Variants in SPECC1 observed in about 807,000 individuals in gnomAD.
The protein encoded by SPECC1 is sperm antigen with calponin homology and coiled-coil domains 1, also known as cytospin-B.
In SPECC1, 62 loss-of-function variants were observed where a neutral mutation model predicts 104.1. That is an observed-to-expected ratio of 0.60 (90% CI 0.49 to 0.74). SPECC1 has a LOEUF of 0.74. Ranked by LOEUF, SPECC1 falls within the 30% of genes least tolerant of loss-of-function variation. SPECC1 has a pLI of 0.00. For synonymous variants in SPECC1, 513 were observed against 501.6 expected (o/e 1.02, Z -0.30); for missense variants, 1,306 against 1,310.5 (o/e 1.00, Z 0.05).
At chr17:20,276,769 A>G (rs2040588926) in intron 12 of SPECC1, among the ~76,000 whole-genome samples, 1 of 152,250 alleles carries the variant, frequency 6.6e-6, no homozygotes, top group South Asian at 2.1e-4. Flanking sequence ...AGAATCATAA[A>G]TCAAACACAT....
chr17:20,119,061 G>A (rs2048899571), intron 3 of SPECC1, among the ~76,000 whole-genome samples: 1 of 152,206 alleles, frequency 6.6e-6, no homozygotes, highest in African/African-American at 2.4e-5. Context: ...ACTATACAGT[G>A]ATGTTGGGAA....
intron 5 of SPECC1, among the ~76,000 whole-genome samples, chr17:20,230,400 T>G (rs1390247244): frequency 6.6e-6 from 1 of 152,224 alleles, no homozygotes; most frequent in Non-Finnish European, 1.5e-5. Flanking sequence ...TCAGTGTCAG[T>G]GCCATCCAGG....
intron 3 of SPECC1, among the ~76,000 whole-genome samples, chr17:20,198,299 T>C (rs1429181273): frequency 6.6e-6 from 1 of 151,880 alleles, no homozygotes; most frequent in African/African-American, 2.4e-5. Context: ...ACAGAAAAGA[T>C]AGGAAAGGAA....
chr17:20,281,966 C>T (rs2040784686), intron 12 of SPECC1, among the ~76,000 whole-genome samples: 1 of 152,218 alleles, frequency 6.6e-6, no homozygotes, highest in South Asian at 2.1e-4. Context: ...TGCTGAGCCG[C>T]GGGGCTTCGC....
At chr17:20,289,367 T>C (rs1049167373) in intron 12 of SPECC1, among the ~76,000 whole-genome samples, 1 of 151,904 alleles carries the variant, frequency 6.6e-6, no homozygotes, top group Non-Finnish European at 1.5e-5. Context: ...AGGGGCGCCA[T>C]CTAGGCTCAG....
At chr17:20,196,386 T>A (rs1567926048) in intron 3 of SPECC1, among the ~76,000 whole-genome samples, 1 of 152,234 alleles carries the variant, frequency 6.6e-6, no homozygotes, top group Non-Finnish European at 1.5e-5. Context: ...GGGCTGACTC[T>A]CCAGCATAGC....
At chr17:20,221,855 T>TC (rs1014632881) in intron 4 of SPECC1, among the ~76,000 whole-genome samples, 4 of 152,150 alleles carry the variant, frequency 2.6e-5, no homozygotes, top group Non-Finnish European at 5.9e-5. Flanking sequence ...TCATTTGTTT[T>TC]AAGACATTTT....
chr17:20,258,547 G>A (rs2039914732), intron 11 of SPECC1, among the ~76,000 whole-genome samples: 1 of 152,130 alleles, frequency 6.6e-6, no homozygotes. Flanking sequence ...TCTGTCATCT[G>A]CACTCCTCAT....
intron 3 of SPECC1, among the ~76,000 whole-genome samples, chr17:20,196,459 C>T (rs957393620): frequency 6.7e-6 from 1 of 149,198 alleles, no homozygotes; most frequent in Admixed American, 6.7e-5. Flanking sequence ...GCAAGTTATA[C>T]AGTAAGAGTC....
At chr17:20,310,642 C>T (rs1285222591) in intron 14 of SPECC1, among the ~76,000 whole-genome samples, 1 of 152,200 alleles carries the variant, frequency 6.6e-6, no homozygotes, top group Non-Finnish European at 1.5e-5. Flanking sequence ...GCTGCTGTGT[C>T]TTTACCAGGC....
rs117820098 is a variant in SPECC1 at position 20,317,346 on chromosome 17, C to T, written c.*3281C>T. On this transcript the variant is annotated 3_prime_UTR_variant, in exon 15 of 15. Coordinates refer to ENST00000395527, the MANE Select transcript of SPECC1 (RefSeq NM_001243439.2). ...TGTGATCTTGGCTTATTACAACTTCCGCCTCCCAGGTTCAAGAGATTCTCC... is the reference window on the plus strand; with the variant it reads ...TGTGATCTTGGCTTATTACAACTTCTGCCTCCCAGGTTCAAGAGATTCTCC... 883 of 149,592 alleles carry T rather than the reference C, an allele frequency of 5.9e-3. 53 individuals are homozygous for T. The East Asian group carries it at 0.13, about 23-fold the overall frequency. 9.3% of individuals were successfully genotyped at this position (149,592 alleles called of 1,614,324 possible).
intron 7 of SPECC1, among the ~76,000 whole-genome samples, chr17:20,236,655 C>CTTTT (rs34779112): frequency 1.6e-5 from 2 of 126,024 alleles, no homozygotes; most frequent in East Asian, 2.4e-4. Context: ...TGCAGTCTGG[C>CTTTT]TTTTTTTTTT....
chr17:20,255,230 C>T (rs1020538250), intron 10 of SPECC1, among the ~76,000 whole-genome samples: 1 of 152,238 alleles, frequency 6.6e-6, no homozygotes, highest in Admixed American at 6.5e-5. Flanking sequence ...TAAGAACAAA[C>T]AGAGTTCAGT....
chr17:20,148,544 A>G (rs1311076218), intron 3 of SPECC1, among the ~76,000 whole-genome samples: 10 of 23,820 alleles, frequency 4.2e-4, no homozygotes, highest in Non-Finnish European at 1.0e-3. Flanking sequence ...TGTGCACTAG[A>G]AAAAAAAAAA....
chr17:20,171,020 T>C (rs1454292055), intron 3 of SPECC1, among the ~76,000 whole-genome samples: 5 of 152,248 alleles, frequency 3.3e-5, no homozygotes, highest in Non-Finnish European at 5.9e-5. Context: ...GTCTAACCTT[T>C]TGATCTGTAA....
At chr17:20,127,461 G>A (rs1329595102) in intron 3 of SPECC1, among the ~76,000 whole-genome samples, 2 of 25,720 alleles carry the variant, frequency 7.8e-5, no homozygotes, top group South Asian at 2.2e-3. Flanking sequence ...TTTTTTTTTT[G>A]AGACAGACTC....
Position 20,318,730 on chromosome 17 carries a change from G to A in SPECC1, c.*4665G>A, listed in dbSNP as rs1017484271. The A allele has an allele frequency of 3.6e-5, 8 of 222,832 alleles. No homozygotes were observed. Among genetic ancestry groups the A allele is most frequent in the Non-Finnish European group, 5.4e-5 (6 of 111,684 alleles). The allele number at this position is 222,832 out of a possible 1,614,324, so 13.8% of individuals were successfully genotyped here. A position where few individuals can be genotyped will look rare whatever the true frequency, so the allele number is the denominator to read the frequency against. On this transcript the variant is annotated 3_prime_UTR_variant, in exon 15 of 15. Transcript: ENST00000395527. ...CTCACAGCCTTTTTAGAAGCATTTC[G>A]AATATCTACAGTTGCCTCAATTCAC...
At chr17:20,237,350 T>C in intron 7 of SPECC1, 1 of 1,001,942 alleles carries the variant, frequency 1.0e-6, no homozygotes, top group Non-Finnish European at 1.2e-6. Flanking sequence ...GTTTCACTCT[T>C]GTTGCCCAGG....
intron 1 of SPECC1, among the ~76,000 whole-genome samples, chr17:20,074,676 A>G (rs925107395): frequency 5.9e-5 from 9 of 151,812 alleles, no homozygotes; most frequent in Middle Eastern, 3.4e-3. Context: ...GCTCAGCTCC[A>G]TGGACTCTGT....
Sources: allele counts gnomAD v4.1 joint callset (sites outside exome capture counted in the v4.1 genomes callset), GRCh38; gene constraint gnomAD v4.1.1; transcripts MANE v1.5; gene names NCBI Gene and HGNC (gene_info 2026-07-23, HGNC 2026-07-21).